The following RGS5 variants were observed in gnomAD, a reference collection of about 807,000 sequenced individuals.
The protein encoded by RGS5 is regulator of G-protein signalling 5.
RGS5 carries 20 observed loss-of-function variants against 18.9 expected under a neutral mutation model. The observed-to-expected ratio is 1.06, with a 90% CI of 0.74 to 1.54. The LOEUF (loss-of-function observed/expected upper bound fraction) is 1.54, where lower values mean the gene tolerates loss of function less well. Among genes scored for constraint, RGS5 ranks in the 40% most tolerant of loss-of-function variants. RGS5 has a pLI of 0.00. For synonymous variants in RGS5, 57 were observed against 76.2 expected, an observed-to-expected ratio of 0.75 and a Z score of 1.31; for missense variants, 201 against 211.8, an observed-to-expected ratio of 0.95 and a Z score of 0.32.
chr1:163,213,209 T>C (rs899418035), intron 1 of RGS5, among the ~76,000 whole-genome samples: 2 of 152,138 alleles, frequency 1.3e-5, no homozygotes, highest in African/African-American at 2.4e-5. Context: ...ATGCTATTAG[T>C]TGCTATGCAT....
chr1:163,213,176 G>A (rs1019161585), intron 1 of RGS5, among the ~76,000 whole-genome samples: 1 of 152,072 alleles, frequency 6.6e-6, no homozygotes, highest in African/African-American at 2.4e-5. Context: ...TAAAACTCAT[G>A]TCCTGGATAT....
Position 163,187,699 on chromosome 1 carries a change from C to A in RGS5, c.44+15093G>T, listed in dbSNP as rs1295180992. On this transcript the variant is annotated intron_variant, in intron 1 of 4. Coordinates refer to ENST00000313961, the MANE Select transcript of RGS5 (RefSeq NM_003617.4). ...GGAACTCCGCACCCCCTCCCCCATGCCTCACCCTAGTGTCTCTTCCTCTGT... is the reference window on the plus strand; with the variant it reads ...GGAACTCCGCACCCCCTCCCCCATGACTCACCCTAGTGTCTCTTCCTCTGT... Among the ~76,000 whole-genome samples the A allele has an allele frequency of 2.6e-5, 4 of 152,292 alleles. No homozygotes were observed. In the East Asian group the frequency reaches 7.7e-4, roughly 29 times the overall value.
intron 1 of RGS5, among the ~76,000 whole-genome samples, chr1:163,216,143 T>A (rs1571298220): frequency 6.6e-6 from 1 of 152,190 alleles, no homozygotes; most frequent in East Asian, 1.9e-4. Flanking sequence ...TCACCAGGAC[T>A]TCTTAGAGCT....
chr1:163,281,355 A>T (rs1458224204), intron 2 of RGS5, among the ~76,000 whole-genome samples: 1 of 152,188 alleles, frequency 6.6e-6, no homozygotes, highest in Non-Finnish European at 1.5e-5. Flanking sequence ...GCTGTACAGG[A>T]AGCATGATGC....
chr1:163,171,755 A>T (rs4620514), intron 1 of RGS5, among the ~76,000 whole-genome samples: 33,683 of 152,158 alleles, frequency 0.22, 6,473 homozygotes, highest in African/African-American at 0.52. Context: ...CTTACTGATT[A>T]ACTCATTGGT....
intron 1 of RGS5, among the ~76,000 whole-genome samples, chr1:163,196,820 G>A (rs765430395): frequency 6.6e-6 from 1 of 151,912 alleles, no homozygotes; most frequent in African/African-American, 2.4e-5. Context: ...CTCTTTTTCC[G>A]ATTGTGGCCT....
chr1:163,233,246 A>G (rs941093483), intron 2 of RGS5, among the ~76,000 whole-genome samples: 2 of 152,212 alleles, frequency 1.3e-5, no homozygotes, highest in African/African-American at 4.8e-5. Flanking sequence ...ACTTTGTGTC[A>G]CTGTGTGTCT....
At chr1:163,270,349 T>TATA (rs1648685288) in intron 2 of RGS5, among the ~76,000 whole-genome samples, 1 of 97,094 alleles carries the variant, frequency 1.0e-5, no homozygotes, top group Non-Finnish European at 2.2e-5. Flanking sequence ...TCATCTCTAT[T>TATA]GAGAAAAAAA....
intron 2 of RGS5, among the ~76,000 whole-genome samples, chr1:163,223,987 T>C (rs116080868): frequency 0.017 from 2,610 of 152,286 alleles, 70 homozygotes; most frequent in African/African-American, 0.058. Context: ...TTGGTACATG[T>C]ATATGTTGTG....
intron 3 of RGS5, among the ~76,000 whole-genome samples, chr1:163,158,426 C>T (rs1403665342): frequency 6.6e-6 from 1 of 152,020 alleles, no homozygotes; most frequent in East Asian, 1.9e-4. Flanking sequence ...CAAAATTCAC[C>T]CCCGATATTT....
chr1:163,313,997 ATATGTGTGTGTGTGTG>A (rs1302257748), intron 1 of RGS5, among the ~76,000 whole-genome samples: 24 of 149,594 alleles, frequency 1.6e-4, no homozygotes, highest in Non-Finnish European at 3.4e-4. Flanking sequence ...AATAAGATAT[ATATGTGTGTGTGTGTG>A]TGTGTGTGTG....
intron 2 of RGS5, among the ~76,000 whole-genome samples, chr1:163,302,101 C>A (rs1649568883): frequency 6.7e-6 from 1 of 148,890 alleles, no homozygotes; most frequent in African/African-American, 2.5e-5. Flanking sequence ...TTTTTTAAAT[C>A]TCTTGGGAGC....
chr1:163,220,718 ATTAAG>A (rs925830680), upstream of RGS5, among the ~76,000 whole-genome samples: 1 of 152,152 alleles, frequency 6.6e-6, no homozygotes, highest in Non-Finnish European at 1.5e-5. Context: ...TGCAAAGGTG[ATTAAG>A]TTAAGAATAA....
chr1:163,238,932 TTTAA>T (rs1647710858), intron 2 of RGS5: 1 of 200,102 alleles, frequency 5.0e-6, no homozygotes, highest in Non-Finnish European at 1.2e-5. Context: ...ATAGGAAAGA[TTTAA>T]TTAAAGCAAC....
At chr1:163,311,482 T>TA (rs1649860718) in intron 1 of RGS5, among the ~76,000 whole-genome samples, 1 of 152,244 alleles carries the variant, frequency 6.6e-6, no homozygotes, top group African/African-American at 2.4e-5. Flanking sequence ...TCACTAAGTT[T>TA]AATCATTTCT....
intron 2 of RGS5, among the ~76,000 whole-genome samples, chr1:163,226,857 T>C (rs925822962): frequency 2.0e-5 from 3 of 152,264 alleles, no homozygotes; most frequent in African/African-American, 7.2e-5. Context: ...TAAGTACGCT[T>C]AAAGACCAAA....
intron 2 of RGS5, among the ~76,000 whole-genome samples, chr1:163,164,118 T>A (rs2063140): frequency 1.3e-5 from 2 of 151,904 alleles, no homozygotes; most frequent in Non-Finnish European, 2.9e-5. Flanking sequence ...TCAAGTAGGA[T>A]ACATCCCCCA....
chr1:163,218,953 C>G (rs550231078), upstream of RGS5, among the ~76,000 whole-genome samples: 1 of 152,160 alleles, frequency 6.6e-6, no homozygotes, highest in Admixed American at 6.5e-5. Context: ...TCTATAATTG[C>G]GTGAGGGCCA....
intron 2 of RGS5, chr1:163,162,972 ATTTG>A (rs1446424967): frequency 6.8e-6 from 1 of 147,792 alleles, no homozygotes; most frequent in African/African-American, 2.6e-5. Context: ...TTAGCTCTTA[ATTTG>A]TTTATCAACT....
Sources: allele counts gnomAD v4.1 joint callset (sites outside exome capture counted in the v4.1 genomes callset), GRCh38; gene constraint gnomAD v4.1.1; transcripts MANE v1.5; gene names NCBI Gene and HGNC (gene_info 2026-07-23, HGNC 2026-07-21).